The following ZSCAN31 variants were observed in gnomAD, a reference collection of about 807,000 sequenced individuals.
ZSCAN31 encodes zinc finger and SCAN domain-containing protein 31.
Under a neutral mutation model 22.5 loss-of-function variants are expected in ZSCAN31, and 14 were observed. The ratio of observed to expected loss-of-function variants is 0.62; its 90% CI spans 0.41 to 0.97. The LOEUF (loss-of-function observed/expected upper bound fraction) is 0.97, where lower values mean the gene tolerates loss of function less well. Among genes scored for constraint, ZSCAN31 ranks in the 50% least tolerant of loss-of-function variants. The pLI, the probability that ZSCAN31 is intolerant of heterozygous loss-of-function variation, is 0.00. For missense variants in ZSCAN31, 424 were observed against 483.4 expected (o/e 0.88, Z 1.15); for synonymous variants, 168 against 169.8 (o/e 0.99, Z 0.08).
At chr6:28,329,852 T>G in intron 1 of ZSCAN31, 74 bp from the exon 2 acceptor site, 1 of 691,968 alleles carries the variant, frequency 1.4e-6, no homozygotes, top group Non-Finnish European at 2.3e-6. Flanking sequence ...TATGGAAACA[T>G]GAATGGTATT....
At chr6:28,338,462 A>T (rs1391035992), upstream of ZSCAN31, among the ~76,000 whole-genome samples, 3 of 152,096 alleles carry the variant, frequency 2.0e-5, no homozygotes, top group African/African-American at 7.2e-5. Context: ...TGTAATGATA[A>T]TTACAATTAC....
At position 28,326,595 on chromosome 6, in the gene ZSCAN31, CT is replaced by C. The variant is rs767425934; in HGVS notation, c.791del (p.Glu264GlyfsTer19). On this transcript the variant is annotated frameshift_variant, in exon 4 of 4. Coordinates refer to ENST00000344279, the MANE Select transcript of ZSCAN31 (RefSeq NM_030899.5). LOFTEE classifies it low-confidence loss of function (END_TRUNC). ...CACATTCTTCACATTCATATGGCTT[CT>C]CCCCAGTGTGGATTCTCTGGTGCTC... ...LIEHQRIHTG[E>X]KPYECEECGK... 6.2e-7 allele frequency: 1 copy of C among 1,613,874 alleles called. No homozygotes were observed. Among genetic ancestry groups the C allele is most frequent in the Non-Finnish European group, 8.5e-7 (1 of 1,180,022 alleles).
chr6:28,343,948 A>G (rs1466182422), intron 2 of ZSCAN31, among the ~76,000 whole-genome samples: 1 of 152,220 alleles, frequency 6.6e-6, no homozygotes, highest in African/African-American at 2.4e-5. Context: ...AAGCATGAAA[A>G]GATGGACAAA....
chr6:28,339,668 A>G (rs536191229), upstream of ZSCAN31, among the ~76,000 whole-genome samples: 2 of 152,248 alleles, frequency 1.3e-5, no homozygotes, highest in Non-Finnish European at 2.9e-5. Flanking sequence ...TATTGCTTAA[A>G]TCATGCCAAA....
chr6:28,329,890 T>C, intron 1 of ZSCAN31, 112 bp from the exon 2 acceptor site: 1 of 569,284 alleles, frequency 1.8e-6, no homozygotes, highest in Admixed American at 3.5e-5. Flanking sequence ...AAAATGTATA[T>C]ATAGTTACTG....
chr6:28,336,562 G>A (rs1764176750), upstream of ZSCAN31, among the ~76,000 whole-genome samples: 1 of 152,080 alleles, frequency 6.6e-6, no homozygotes, highest in South Asian at 2.1e-4. Context: ...AGGGGTTGGG[G>A]AAGTGCTGGC....
At chr6:28,346,500 G>A (rs1764649184) in intron 2 of ZSCAN31, among the ~76,000 whole-genome samples, 2 of 151,990 alleles carry the variant, frequency 1.3e-5, no homozygotes, top group Non-Finnish European at 2.9e-5. Context: ...TGGGATTACA[G>A]GCACCCACTA....
chr6:28,329,660 G>A lies in ZSCAN31; in HGVS notation c.24C>T (p.Tyr8=), dbSNP rs770862097. 1.7e-5 allele frequency: 28 copies of A among 1,613,452 alleles called. No individual in the cohort carries two copies. The South Asian group carries it at 1.8e-4, about 10-fold the overall frequency. ...CCTCCACTTTCACAATCTTAAGATC[G>A]TACTGTTCCTCTGTTGAAGCCATTC... MASTEEQ[Y]DLKIVKVEED... Residue 8 remains tyrosine, a synonymous_variant, in exon 2 of 4, where the codon TAC becomes TAT. Transcript: ENST00000344279.
At chr6:28,334,767 A>G (rs1325306145) in intron 1 of ZSCAN31, among the ~76,000 whole-genome samples, 1 of 152,222 alleles carries the variant, frequency 6.6e-6, no homozygotes, top group Non-Finnish European at 1.5e-5. Context: ...ACAAACAGGT[A>G]TAAAAGACAT....
At chr6:28,338,797 T>C (rs1764299259), upstream of ZSCAN31, among the ~76,000 whole-genome samples, 1 of 152,254 alleles carries the variant, frequency 6.6e-6, no homozygotes, top group South Asian at 2.1e-4. Flanking sequence ...TTTAAATTTT[T>C]CTAGAAAGAA....
intron 1 of ZSCAN31, 123 bp from the exon 2 acceptor site, chr6:28,329,901 A>G (rs1376930420): frequency 3.9e-6 from 2 of 513,272 alleles, no homozygotes; most frequent in East Asian, 3.2e-5. Flanking sequence ...ATAGTTACTG[A>G]CTTACATATG....
rs1238653351 is a variant in ZSCAN31 at position 28,349,684 on chromosome 6, CA to C, written c.-371+4177del. On this transcript the variant is annotated intron_variant, in intron 2 of 7. Coordinates refer to the ZSCAN31 transcript ENST00000396838. This position sits in a 1 kb window ranked among gnomAD's most constrained non-coding sequence, Gnocchi z 4.1. ...ACCATTATTAATTTTCCGATTTTTC[CA>C]GGGCTTCTTTGTGCCACACACGCAC... Among the ~76,000 whole-genome samples, 2 of 152,130 alleles carry C rather than the reference CA, an allele frequency of 1.3e-5. No individual in the cohort carries two copies. Among genetic ancestry groups the C allele is most frequent in the African/African-American group, 4.8e-5 (2 of 41,418 alleles).
chr6:28,327,420 T>C lies in ZSCAN31; in HGVS notation c.495A>G (p.Arg165=), dbSNP rs1363216739. ...ATTGGTGGAGGCAAAAAGATTCATA[T>C]CTGAGCTGTGTCACCATAGGCTGAA... ...IQLQPMVTQL[R]YESFCLHQFQ... Residue 165 remains arginine (R), a synonymous_variant, in exon 3 of 4, where the codon AGA becomes AGG. Transcript: ENST00000344279. The C allele has an allele frequency of 1.2e-6, 2 of 1,614,080 alleles. No individual in the cohort carries two copies. The highest frequency in any genetic ancestry group is 1.7e-6 in the Non-Finnish European group (2 of 1,179,994).
At chr6:28,339,109 T>C (rs1764311870), upstream of ZSCAN31, among the ~76,000 whole-genome samples, 1 of 152,230 alleles carries the variant, frequency 6.6e-6, no homozygotes, top group Non-Finnish European at 1.5e-5. Flanking sequence ...TTCACTTTTC[T>C]TCACTAGAGA....
At chr6:28,346,747 G>A (rs1297550647) in intron 2 of ZSCAN31, among the ~76,000 whole-genome samples, 1 of 152,006 alleles carries the variant, frequency 6.6e-6, no homozygotes, top group Non-Finnish European at 1.5e-5. Flanking sequence ...TCACCTACAA[G>A]GTAAACTACC....
intron 2 of ZSCAN31, among the ~76,000 whole-genome samples, chr6:28,328,396 C>T (rs1002656395): frequency 6.6e-6 from 1 of 152,218 alleles, no homozygotes; most frequent in Admixed American, 6.5e-5. Flanking sequence ...AGACCTACCC[C>T]CAGGCGCACA....
chr6:28,353,579 T>G (rs1581719878), intron 2 of ZSCAN31: 4 of 250,726 alleles, frequency 1.6e-5, no homozygotes, highest in Non-Finnish European at 2.4e-5. Context: ...GAGGAAGGAG[T>G]AGATTAGGAA....
Position 28,331,900 on chromosome 6 carries a change from G to C in ZSCAN31, c.-95-2122C>G, listed in dbSNP as rs766011744. The stretch of plus-strand genomic sequence containing the variant: ...CAGGTGGAGTATTTCTCCATCAATT[G>C]TATTCTTCTCCCCATAATTGGTGCT... On this transcript the variant is annotated intron_variant, in intron 1 of 3. Transcript: ENST00000344279. This position sits in a 1 kb window ranked among gnomAD's most constrained non-coding sequence, Gnocchi z 4.8. Among the ~76,000 whole-genome samples the C allele has an allele frequency of 1.3e-5, 2 of 152,090 alleles. No homozygotes were observed. The highest frequency in any genetic ancestry group is 2.9e-5 in the Non-Finnish European group (2 of 68,026).
At chr6:28,346,461 G>A (rs1031780055) in intron 2 of ZSCAN31, among the ~76,000 whole-genome samples, 6 of 148,124 alleles carry the variant, frequency 4.1e-5, no homozygotes, top group East Asian at 2.0e-4. Flanking sequence ...AGGTTCAAGC[G>A]ATTCTCATGT....
Sources: gnomAD v4.1 joint callset for allele counts (sites outside exome capture counted in the v4.1 genomes callset) on GRCh38, gnomAD v4.1.1 for gene constraint, Gnocchi (gnomAD v3.1) non-coding constraint, MANE v1.5 for transcripts, NCBI Gene and HGNC (gene_info 2026-07-23, HGNC 2026-07-21) for gene names.